Variants in PALS1 observed in about 807,000 individuals in gnomAD.
The protein encoded by PALS1 is protein PALS1.
PALS1 carries 31 observed loss-of-function variants against 78.9 expected under a neutral mutation model. The ratio of observed to expected loss-of-function variants is 0.39; its 90% confidence interval spans 0.30 to 0.53. The LOEUF is 0.53. Ranked by LOEUF, PALS1 falls within the 20% of genes least tolerant of loss-of-function variation. The pLI, the probability that PALS1 is intolerant of heterozygous loss-of-function variation, is 0.67. For missense variants in PALS1, 704 were observed against 826.5 expected (o/e 0.85, Z 1.82); for synonymous variants, 276 against 270.9 (o/e 1.02, Z -0.18).
chr14:67,289,465 A>G (rs992310639), intron 3 of PALS1, among the ~76,000 whole-genome samples: 1 of 152,056 alleles, frequency 6.6e-6, no homozygotes, highest in African/African-American at 2.4e-5. Context: ...AGCATCTGCA[A>G]ATTTTTCTGT....
At chr14:67,252,697 T>G (rs1401722945) in intron 1 of PALS1, among the ~76,000 whole-genome samples, 3 of 152,236 alleles carry the variant, frequency 2.0e-5, no homozygotes, top group African/African-American at 7.2e-5. Flanking sequence ...GACCCACACA[T>G]TTGATGTCAT....
intron 1 of PALS1, among the ~76,000 whole-genome samples, chr14:67,261,465 A>G (rs2084235936): frequency 6.6e-6 from 1 of 152,164 alleles, no homozygotes; most frequent in Non-Finnish European, 1.5e-5. Context: ...CGATTTTGAA[A>G]ATACTTCAGT....
At chr14:67,280,792 T>TTTCCTTCC (rs781369868) in intron 3 of PALS1, among the ~76,000 whole-genome samples, 3,291 of 77,592 alleles carry the variant, frequency 0.042, 272 homozygotes, top group Non-Finnish European at 0.065. Context: ...TCTGGAGCAG[T>TTTCCTTCC]TTCCTTCCTT....
At position 67,264,592 on chromosome 14, in the gene PALS1, T is replaced by A. The variant is rs73280957; in HGVS notation, c.-236-5109T>A. On this transcript the variant is annotated intron_variant, in intron 1 of 14. Coordinates refer to ENST00000261681, the MANE Select transcript of PALS1 (RefSeq NM_022474.4). ...AAAGGTCCATTTTCATTGTTCTGCA[T>A]GTAGATATCCAGTGTGGAAATAAAT... Among the ~76,000 whole-genome samples the A allele has an allele frequency of 6.7e-3, 1,024 of 152,332 alleles. 11 individuals are homozygous for A. The highest frequency in any genetic ancestry group is 0.023 in the African/African-American group (958 of 41,582).
chr14:67,243,296 C>T (rs1471777611), intron 1 of PALS1, among the ~76,000 whole-genome samples: 2 of 146,592 alleles, frequency 1.4e-5, no homozygotes, highest in Non-Finnish European at 3.0e-5. Flanking sequence ...AAGTGATTCT[C>T]CTGCTCTCAG....
In PALS1 at chr14:67,321,141, C is replaced by G; in HGVS notation, c.1622C>G (p.Ala541Gly). ...CGGCAAGCATTCGAGGCAGACATAG[C>G]AGCTGGAAAGTTCATTGAGCATGGT... ...VSRQAFEADI[A>G]AGKFIEHGEF... Residue 541 changes from alanine (A) to glycine (G), a missense_variant, in exon 13 of 15, where the codon GCA (alanine) becomes GGA (glycine). Transcript: ENST00000261681. 1.2e-6 allele frequency: 2 copies of G among 1,614,184 alleles called. No individual in the cohort carries two copies. Among genetic ancestry groups the G allele is most frequent in the Non-Finnish European group, 1.7e-6 (2 of 1,180,028 alleles).
chr14:67,288,194 C>T (rs994683079), intron 3 of PALS1, among the ~76,000 whole-genome samples: 15 of 152,278 alleles, frequency 9.9e-5, no homozygotes, highest in South Asian at 6.2e-4. Context: ...ATTCTCCTGC[C>T]TCAGCCTCCC....
In PALS1 at chr14:67,319,631, T is replaced by A. The variant is rs1230382122; in HGVS notation, c.1370-599T>A. Among the ~76,000 whole-genome samples, 4 of 148,862 alleles carry A rather than the reference T, an allele frequency of 2.7e-5. No homozygotes were observed. The East Asian group carries it at 7.9e-4, about 29-fold the overall frequency. On this transcript the variant is annotated intron_variant, in intron 11 of 14. Transcript: ENST00000261681. ...GAGCTAAAAAAAAAAAAAAAAAAAT[T>A]GCAAAACAATCTCACAGTGTTTTAA...
At chr14:67,254,909 G>A (rs1005206828) in intron 1 of PALS1, among the ~76,000 whole-genome samples, 22 of 152,312 alleles carry the variant, frequency 1.4e-4, no homozygotes, top group African/African-American at 5.1e-4. Context: ...CCAGCACTTT[G>A]GGAGGCCAAG....
At chr14:67,257,022 A>G (rs1008068050) in intron 1 of PALS1, among the ~76,000 whole-genome samples, 1 of 152,142 alleles carries the variant, frequency 6.6e-6, no homozygotes, top group Non-Finnish European at 1.5e-5. Context: ...AGCTTTTTTT[A>G]AATACGTTTT....
At chr14:67,316,942 G>A in intron 10 of PALS1, 39 bp downstream of exon 10, 1 of 1,522,158 alleles carries the variant, frequency 6.6e-7, no homozygotes, top group Non-Finnish European at 9.0e-7. Context: ...ATGGTTTCTT[G>A]GGTCTTCATC....
chr14:67,308,626 A>G (rs1209297763), intron 8 of PALS1, among the ~76,000 whole-genome samples: 1 of 149,690 alleles, frequency 6.7e-6, no homozygotes, highest in African/African-American at 2.5e-5. Flanking sequence ...GCTCACTGCA[A>G]CCTCCGCCTC....
chr14:67,295,747 C>T (rs2084838576), intron 4 of PALS1, among the ~76,000 whole-genome samples: 1 of 152,162 alleles, frequency 6.6e-6, no homozygotes, highest in Non-Finnish European at 1.5e-5. Context: ...CTGAAACTCT[C>T]ATACATCACT....
intron 1 of PALS1, among the ~76,000 whole-genome samples, chr14:67,249,056 G>A (rs1270654265): frequency 2.0e-5 from 3 of 151,742 alleles, no homozygotes; most frequent in African/African-American, 4.8e-5. Context: ...TCTGCCTCCC[G>A]GGTTCAAGTT....
At chr14:67,278,702 C>T (rs776119411) in intron 2 of PALS1, among the ~76,000 whole-genome samples, 1 of 152,184 alleles carries the variant, frequency 6.6e-6, no homozygotes, top group Non-Finnish European at 1.5e-5. Context: ...AAGCAAGCAA[C>T]GTGTTCTCTA....
chr14:67,280,792 T>TTTCCTTCCTTCCTTCCTTCC (rs781369868), intron 3 of PALS1, among the ~76,000 whole-genome samples: 73 of 77,664 alleles, frequency 9.4e-4, no homozygotes, highest in Non-Finnish European at 1.5e-3. Flanking sequence ...TCTGGAGCAG[T>TTTCCTTCCTTCCTTCCTTCC]TTCCTTCCTT....
chr14:67,246,479 A>G (rs2083989277), intron 1 of PALS1, among the ~76,000 whole-genome samples: 1 of 152,000 alleles, frequency 6.6e-6, no homozygotes, highest in Non-Finnish European at 1.5e-5. Context: ...GGCTGGTACT[A>G]TAGGTACATG....
chr14:67,332,605 C>T (rs1379055246), intron 14 of PALS1, among the ~76,000 whole-genome samples, 175 bp from the exon 15 acceptor site: 1 of 152,004 alleles, frequency 6.6e-6, no homozygotes, highest in Non-Finnish European at 1.5e-5. Flanking sequence ...CGTGAAGATG[C>T]CAAAGCAAAG....
rs2085486719 is a variant in PALS1 at position 67,333,842 on chromosome 14, A to G, written c.*886A>G. The G allele has an allele frequency of 6.6e-6, 1 of 152,554 alleles. No homozygotes were observed. The allele number at this position is 152,554 out of a possible 1,614,324, so 9.5% of individuals were successfully genotyped here. ...AAAAAGTTTCTTCCTCATGATGCTA[A>G]TAGTTTTTTGTATACATGGGAGGAT... On this transcript the variant is annotated 3_prime_UTR_variant, in exon 15 of 15. Coordinates refer to ENST00000261681, the MANE Select transcript of PALS1 (RefSeq NM_022474.4).
Sources: allele counts gnomAD v4.1 joint callset (sites outside exome capture counted in the v4.1 genomes callset), GRCh38; gene constraint gnomAD v4.1.1; transcripts MANE v1.5; gene names NCBI Gene and HGNC (gene_info 2026-07-23, HGNC 2026-07-21).